ANO4: variants seen among roughly 807,000 people sequenced by gnomAD.
The protein encoded by ANO4 is anoctamin-4.
A neutral mutation model predicts 141.9 loss-of-function variants in ANO4; 69 were observed. That is an observed-to-expected ratio of 0.49 (90% CI 0.40 to 0.59). The LOEUF (loss-of-function observed/expected upper bound fraction) is 0.59. Among genes scored for constraint, ANO4 ranks in the 20% least tolerant of loss-of-function variants. The pLI is 0.00. For missense variants in ANO4, 894 were observed against 1,162.2 expected (o/e 0.77, Z 3.36); for synonymous variants, 350 against 394.3 (o/e 0.89, Z 1.33).
chr12:100,863,092 G>A (rs558172758), intron 1 of ANO4, among the ~76,000 whole-genome samples: 1 of 152,304 alleles, frequency 6.6e-6, no homozygotes, highest in South Asian at 2.1e-4. Context: ...TCCCAACAGA[G>A]GGGACAGCAG....
chr12:101,089,620 A>G (rs1159503594), intron 17 of ANO4, among the ~76,000 whole-genome samples: 1 of 152,196 alleles, frequency 6.6e-6, no homozygotes, highest in East Asian at 1.9e-4. Flanking sequence ...GTTATCATCT[A>G]TTTCCTCCAA....
chr12:100,983,832 A>G (rs2044590082), intron 7 of ANO4, among the ~76,000 whole-genome samples: 1 of 152,158 alleles, frequency 6.6e-6, no homozygotes, highest in South Asian at 2.1e-4. Flanking sequence ...TTACATCTCC[A>G]AAGTCCCTTT....
intron 1 of ANO4, among the ~76,000 whole-genome samples, chr12:100,795,322 G>C (rs1043105244): frequency 6.6e-6 from 1 of 152,340 alleles, no homozygotes; most frequent in Admixed American, 6.5e-5. Context: ...CTGCAGCAGC[G>C]TGCAGGGAAT....
chr12:101,007,209 T>C (rs1198209063), intron 8 of ANO4, among the ~76,000 whole-genome samples: 1 of 152,054 alleles, frequency 6.6e-6, no homozygotes, highest in Non-Finnish European at 1.5e-5. Context: ...AAAAATTAGC[T>C]GGGTGTGATG....
rs571493165 is a variant in ANO4, at chr12:100,825,726, C to T, written c.-141+30699C>T. On this transcript the variant is annotated intron_variant, in intron 1 of 27. Coordinates refer to ENST00000392977, the MANE Select transcript of ANO4 (RefSeq NM_001286615.2). Reference sequence around the variant, plus strand: ...TTAATTATGGACATTAACATATTTACACATAATTAACACTAATACCATTTT... The same window carrying T: ...TTAATTATGGACATTAACATATTTATACATAATTAACACTAATACCATTTT... 1.1e-4 allele frequency among the ~76,000 whole-genome samples: 16 copies of T among 152,124 alleles called. No homozygotes were observed. The South Asian group carries it at 3.3e-3, about 32-fold the overall frequency.
chr12:100,751,314 G>A lies in ANO4; in HGVS notation c.358+11209G>A, dbSNP rs150960206. Among the ~76,000 whole-genome samples the A allele has an allele frequency of 4.8e-3, 737 of 152,140 alleles. 7 individuals are homozygous for A. The highest frequency in any genetic ancestry group is 0.016 in the African/African-American group (681 of 41,514). ...GAATGGTGGAATTCTCAGTTTGACC[G>A]CAAGCATGGAAAATCTCTGCTGACC... On this transcript the variant is annotated intron_variant, in intron 3 of 29. Coordinates refer to the ANO4 transcript ENST00000644049.
chr12:101,083,839 T>C lies in ANO4; in HGVS notation c.1536+21T>C, dbSNP rs1040809960. The stretch of plus-strand genomic sequence containing the variant: ...TTATGGTTTGAAACTTTTAAAAAAA[T>C]ATTTGTTTCATAAAATACAAACCTA... On this transcript the variant is annotated intron_variant, in intron 16 of 27. Coordinates refer to ENST00000392977, the MANE Select transcript of ANO4 (RefSeq NM_001286615.2). 3 of 1,534,446 alleles carry C rather than the reference T, an allele frequency of 2.0e-6. No homozygotes were observed. In the African/African-American group the frequency reaches 4.3e-5, roughly 22 times the overall value.
At position 100,844,174 on chromosome 12, in the gene ANO4, T is replaced by C. The variant is rs144027622; in HGVS notation, c.-141+49147T>C. Among the ~76,000 whole-genome samples the C allele has an allele frequency of 2.4e-3, 364 of 152,006 alleles. 2 individuals are homozygous for C. The highest frequency in any genetic ancestry group is 0.018 in the East Asian group (92 of 5,146). ...AATAAGCCAGAAAGATAATTTCAGA[T>C]AGTGTTAAGGCCTGTGAAGAAAAGA... On this transcript the variant is annotated intron_variant, in intron 1 of 27. Coordinates refer to ENST00000392977, the MANE Select transcript of ANO4 (RefSeq NM_001286615.2).
chr12:100,904,366 A>G (rs2040739811), intron 2 of ANO4, among the ~76,000 whole-genome samples: 1 of 138,956 alleles, frequency 7.2e-6, no homozygotes, highest in Admixed American at 7.2e-5. Context: ...TATAACATAT[A>G]GTGTTTAGGG....
At chr12:101,042,507 A>C (rs374728449) in intron 12 of ANO4, 39 bp downstream of exon 12, 55 of 1,611,238 alleles carry the variant, frequency 3.4e-5, no homozygotes, top group Non-Finnish European at 4.6e-5. Flanking sequence ...TTTGTTTAGT[A>C]CTTAGAGGTG....
At chr12:101,106,419 A>T (rs1043032462) in intron 22 of ANO4, among the ~76,000 whole-genome samples, 1 of 152,010 alleles carries the variant, frequency 6.6e-6, no homozygotes, top group African/African-American at 2.4e-5. Context: ...GTCTATATAG[A>T]TCAAGATAAT....
At chr12:100,924,199 A>G (rs904383332) in intron 3 of ANO4, among the ~76,000 whole-genome samples, 1 of 152,144 alleles carries the variant, frequency 6.6e-6, no homozygotes, top group Admixed American at 6.6e-5. Context: ...TGTTTTAGTC[A>G]TGAAGTCCTT....
intron 17 of ANO4, among the ~76,000 whole-genome samples, chr12:101,092,469 T>C (rs1331969306): frequency 6.6e-6 from 1 of 152,170 alleles, no homozygotes; most frequent in Non-Finnish European, 1.5e-5. Flanking sequence ...CTCTCAACCG[T>C]CTAATGAGAA....
chr12:100,911,004 T>C (rs934430365), intron 2 of ANO4, among the ~76,000 whole-genome samples: 2 of 152,130 alleles, frequency 1.3e-5, no homozygotes, highest in African/African-American at 2.4e-5. Flanking sequence ...AGAGAAACAT[T>C]AGGATTTTCT....
At chr12:101,054,522 C>T (rs1228639678) in intron 14 of ANO4, among the ~76,000 whole-genome samples, 4 of 152,090 alleles carry the variant, frequency 2.6e-5, no homozygotes, top group Non-Finnish European at 5.9e-5. Flanking sequence ...TTTTTTGAGA[C>T]GGAGTCTCGC....
chr12:100,837,895 A>G (rs1267499868), intron 1 of ANO4, among the ~76,000 whole-genome samples: 3 of 152,124 alleles, frequency 2.0e-5, no homozygotes, highest in Non-Finnish European at 4.4e-5. Context: ...CATAGATGCC[A>G]TGGTTAAATG....
chr12:100,760,384 A>G (rs1006050537), intron 3 of ANO4, among the ~76,000 whole-genome samples: 8 of 152,274 alleles, frequency 5.3e-5, no homozygotes, highest in Middle Eastern at 3.4e-3. Flanking sequence ...CTAACAGCTG[A>G]TACCTATTTG....
chr12:100,949,756 G>T (rs74619944), intron 5 of ANO4, among the ~76,000 whole-genome samples: 1 of 152,088 alleles, frequency 6.6e-6, no homozygotes, highest in Non-Finnish European at 1.5e-5. Flanking sequence ...AATACATTTG[G>T]TAACAAGTTT....
intron 3 of ANO4, among the ~76,000 whole-genome samples, chr12:100,932,585 C>T (rs1409484678): frequency 2.0e-5 from 3 of 152,110 alleles, no homozygotes; most frequent in Non-Finnish European, 4.4e-5. Context: ...TAGCTAACAT[C>T]TCAAATGATT....
Sources: gnomAD v4.1 joint callset for allele counts (sites outside exome capture counted in the v4.1 genomes callset) on GRCh38, gnomAD v4.1.1 for gene constraint, MANE v1.5 for transcripts, NCBI Gene and HGNC (gene_info 2026-07-23, HGNC 2026-07-21) for gene names.